Variants in GAL3ST1 observed in about 807,000 individuals in gnomAD.
The protein encoded by GAL3ST1 is galactose-3-O-sulfotransferase 1, also known as galactosylceramide sulfotransferase.
GAL3ST1 carries 13 observed loss-of-function variants against 25.0 expected under a neutral mutation model. The observed-to-expected ratio is 0.52, with a 90% confidence interval of 0.34 to 0.83. The LOEUF is 0.83. GAL3ST1 is among the 40% of genes least tolerant of loss of function. The pLI, the probability that GAL3ST1 is intolerant of heterozygous loss-of-function variation, is 0.02. For synonymous variants in GAL3ST1, 274 were observed against 277.8 expected, an observed-to-expected ratio of 0.99 and a Z score of 0.14; for missense variants, 474 against 613.6, an observed-to-expected ratio of 0.77 and a Z score of 2.40.
intron 1 of GAL3ST1, among the ~76,000 whole-genome samples, chr22:30,568,376 A>C (rs2086686078): frequency 6.6e-6 from 1 of 152,154 alleles, no homozygotes; most frequent in African/African-American, 2.4e-5. Context: ...ATGATATGTG[A>C]ACAGAATGCC....
chr22:30,560,875 C>G (rs1382337701), intron 1 of GAL3ST1: 1 of 152,286 alleles, frequency 6.6e-6, no homozygotes, highest in Non-Finnish European at 1.5e-5. Context: ...GTTCCTCCAC[C>G]CGCACCCCCC....
At position 30,562,604 on chromosome 22, in the gene GAL3ST1, C is replaced by G. The variant is rs148969952; in HGVS notation, c.-119-4216G>C. Among the ~76,000 whole-genome samples, 343 of 152,328 alleles carry G rather than the reference C, an allele frequency of 2.3e-3. 13 individuals are homozygous for G. In the East Asian group the frequency reaches 0.061, roughly 27 times the overall value. Reference sequence around the variant, plus strand: ...GGTCCCTTCCATGCCCCGCTGCAGGCAAGCCTACCAGTGACTCATCCCTGA... The same window carrying G: ...GGTCCCTTCCATGCCCCGCTGCAGGGAAGCCTACCAGTGACTCATCCCTGA... On this transcript the variant is annotated intron_variant, in intron 1 of 3. Transcript: ENST00000406361.
At chr22:30,566,769 T>C (rs942362380) in intron 1 of GAL3ST1, among the ~76,000 whole-genome samples, 5 of 150,182 alleles carry the variant, frequency 3.3e-5, no homozygotes, top group East Asian at 4.0e-4. Context: ...TCCACCATGC[T>C]CGGCTAATTT....
At chr22:30,562,311 C>T (rs895002975) in intron 1 of GAL3ST1, among the ~76,000 whole-genome samples, 35 of 152,088 alleles carry the variant, frequency 2.3e-4, no homozygotes, top group Admixed American at 8.5e-4. Flanking sequence ...CCACCTCGGC[C>T]GCTCAAGTGC....
rs967233492 is a variant in GAL3ST1 at position 30,554,749 on chromosome 22, ATTAG to A, written c.*200_*203del. On this transcript the variant is annotated 3_prime_UTR_variant, in exon 4 of 4. Transcript: ENST00000406361. ...AAGGGGTTTAATAAAAACTGGTATA[ATTAG>A]TTAAATACTGATCTCGGTTAGGCCC... 8.7e-6 allele frequency: 4 copies of A among 460,922 alleles called. No homozygotes were observed. The highest frequency in any genetic ancestry group is 6.1e-5 in the African/African-American group (3 of 49,168). The allele number at this position is 460,922 out of a possible 1,614,324, so 28.6% of individuals were successfully genotyped here.
chr22:30,573,569 T>C (rs928623237), intron 1 of GAL3ST1, among the ~76,000 whole-genome samples: 1 of 152,150 alleles, frequency 6.6e-6, no homozygotes. Context: ...AGAGATTGGG[T>C]TTTCCCAACT....
At chr22:30,566,486 A>G (rs560414653) in intron 1 of GAL3ST1, among the ~76,000 whole-genome samples, 1 of 152,302 alleles carries the variant, frequency 6.6e-6, no homozygotes, top group South Asian at 2.1e-4. Flanking sequence ...AAGAAGTGAG[A>G]TCGTGGCTGA....
At chr22:30,570,621 C>A (rs1397147392) in intron 1 of GAL3ST1, among the ~76,000 whole-genome samples, 3 of 152,150 alleles carry the variant, frequency 2.0e-5, no homozygotes, top group Non-Finnish European at 4.4e-5. Flanking sequence ...CATGGAGAAA[C>A]CCCATCTCTA....
intron 1 of GAL3ST1, chr22:30,560,807 G>A (rs1174365451): frequency 6.6e-6 from 1 of 152,220 alleles, no homozygotes; most frequent in Non-Finnish European, 1.5e-5. Flanking sequence ...CCAGCAGCAG[G>A]GGGCAGACCA....
intron 1 of GAL3ST1, among the ~76,000 whole-genome samples, chr22:30,562,628 G>C (rs1258301816): frequency 2.0e-5 from 3 of 152,154 alleles, no homozygotes; most frequent in Non-Finnish European, 4.4e-5. Flanking sequence ...ACTCATCCCT[G>C]AGCTCCCCGA....
Position 30,555,524 on chromosome 22 carries a change from T to C in GAL3ST1, c.701A>G (p.Gln234Arg). 6.2e-7 allele frequency: 1 copy of C among 1,613,608 alleles called. No individual in the cohort carries two copies. Among genetic ancestry groups the C allele is most frequent in the Non-Finnish European group, 8.5e-7 (1 of 1,179,938 alleles). ...YDNSLDPSSP[Q>R]VQEHILEVER... ...CACCTCCAGGATGTGCTCCTGCACC[T>C]GCGGGCTGCTGGGGTCCAGGCTGTT... The change falls in exon 4 of 4, where the codon CAG (glutamine) becomes CGG (arginine). Residue 234 changes from glutamine to arginine, a missense_variant. By Grantham distance (43) the Gln-to-Arg change is conservative. Coordinates refer to ENST00000406361, the MANE Select transcript of GAL3ST1 (RefSeq NM_001318104.2). The surrounding 1 kb of genome is among the most constrained non-coding windows in gnomAD (Gnocchi z 8.6).
At chr22:30,556,240 C>A in intron 3 of GAL3ST1, 147 bp from the exon 4 acceptor site, 1 of 660,232 alleles carries the variant, frequency 1.5e-6, no homozygotes, top group East Asian at 2.7e-5. Flanking sequence ...AGGCTGGGTG[C>A]CTGCGCGGGT....
Position 30,555,691 on chromosome 22 carries a change from C to T in GAL3ST1, c.534G>A (p.Gly178=). 6.2e-7 allele frequency: 1 copy of T among 1,613,860 alleles called. No homozygotes were observed. The highest frequency in any genetic ancestry group is 8.5e-7 in the Non-Finnish European group (1 of 1,180,046). ...RLFESSFHYF[G]PVVPLTWKLS... ...GCTTCCACGTGAGGGGCACCACCGG[C>T]CCGAAGTAGTGGAAGGAGGACTCGA... Residue 178 remains glycine (G), a synonymous_variant, in exon 4 of 4, where the codon GGG becomes GGA. Transcript: ENST00000406361. This position sits in a 1 kb window ranked among gnomAD's most constrained non-coding sequence, Gnocchi z 8.6.
intron 1 of GAL3ST1, among the ~76,000 whole-genome samples, chr22:30,569,005 G>A (rs901420316): frequency 6.0e-5 from 9 of 150,472 alleles, no homozygotes; most frequent in Admixed American, 5.3e-4. Flanking sequence ...GAACCTGGGA[G>A]GCAGAGTTTG....
At chr22:30,563,210 A>G (rs1422678025) in intron 1 of GAL3ST1, 1 of 152,244 alleles carries the variant, frequency 6.6e-6, no homozygotes, top group Non-Finnish European at 1.5e-5. Context: ...ACATGACACC[A>G]CAAATGGAAA....
In GAL3ST1 at chr22:30,555,681, G is replaced by A. The variant is rs747602251; in HGVS notation, c.544C>T (p.Pro182Ser). The A allele has an allele frequency of 6.2e-7, 1 of 1,613,814 alleles. No homozygotes were observed. The highest frequency in any genetic ancestry group is 8.5e-7 in the Non-Finnish European group (1 of 1,180,038). The change falls in exon 4 of 4, where the codon CCC (proline) becomes TCC (serine). Residue 182 changes from proline (P) to serine (S), a missense_variant. Around this residue, in one of 2 missense-constraint regions of GAL3ST1, gnomAD observed 359 missense variants for 504.4 expected, o/e 0.71. Coordinates refer to ENST00000406361, the MANE Select transcript of GAL3ST1 (RefSeq NM_001318104.2). This position sits in a 1 kb window ranked among gnomAD's most constrained non-coding sequence, Gnocchi z 8.6. ...CCGGCCGAGAGCTTCCACGTGAGGG[G>A]CACCACCGGCCCGAAGTAGTGGAAG... ...SSFHYFGPVV[P>S]LTWKLSAGDK... is the part of the protein sequence containing the mutation.
rs2085918481 is a variant in GAL3ST1 at position 30,555,183 on chromosome 22, C to T, written c.1042G>A (p.Gly348Arg). ...GCGGCGGCGTCCACGGCGTGGCCCC[C>T]GTCGATGCAGATGGTCCGCATGCGC... Reference protein sequence around the residue: ...NERMRTICIDGGHAVDAAAIQ... With the variant: ...NERMRTICIDRGHAVDAAAIQ... Residue 348 changes from glycine (G) to arginine (R), a missense_variant, in exon 4 of 4, where the codon GGG (glycine) becomes AGG (arginine). Around this residue, in one of 2 missense-constraint regions of GAL3ST1, gnomAD observed 359 missense variants for 504.4 expected, o/e 0.71. Transcript: ENST00000406361. This position sits in a 1 kb window ranked among gnomAD's most constrained non-coding sequence, Gnocchi z 8.6. 6.2e-7 allele frequency: 1 copy of T among 1,601,342 alleles called. No individual in the cohort carries two copies. The highest frequency in any genetic ancestry group is 1.1e-5 in the South Asian group (1 of 90,822).
intron 1 of GAL3ST1, among the ~76,000 whole-genome samples, chr22:30,562,050 A>G (rs983265064): frequency 2.0e-5 from 3 of 152,108 alleles, no homozygotes; most frequent in African/African-American, 7.2e-5. Flanking sequence ...TCACTAGGCT[A>G]TGAGATAATT....
chr22:30,568,101 C>A (rs1021797564), intron 1 of GAL3ST1, among the ~76,000 whole-genome samples: 6 of 152,194 alleles, frequency 3.9e-5, no homozygotes, highest in Non-Finnish European at 7.4e-5. Context: ...ACTGGGGAGA[C>A]ACAGGAACAC....
Sources: gnomAD v4.1 joint callset for allele counts (sites outside exome capture counted in the v4.1 genomes callset) on GRCh38, gnomAD v4.1.1 for gene constraint, gnomAD v4.1.1 regional missense constraint, Gnocchi (gnomAD v3.1) non-coding constraint, MANE v1.5 for transcripts, NCBI Gene and HGNC (gene_info 2026-07-23, HGNC 2026-07-21) for gene names.